TBC1D30: variants seen among roughly 807,000 people sequenced by gnomAD.
TBC1D30 encodes TBC1 domain family, member 30.
Under a neutral mutation model 63.2 loss-of-function variants are expected in TBC1D30, and 31 were observed. That is an observed-to-expected ratio of 0.49 (90% CI 0.37 to 0.66). The LOEUF is 0.66. Ranked by LOEUF, TBC1D30 falls within the 30% of genes least tolerant of loss-of-function variation. TBC1D30 has a pLI of 0.00. For missense variants in TBC1D30, 810 were observed against 953.6 expected (o/e 0.85, Z 1.98); for synonymous variants, 307 against 361.5 (o/e 0.85, Z 1.71).
At chr12:64,809,106 A>G (rs10784421) in intron 2 of TBC1D30, among the ~76,000 whole-genome samples, 83,256 of 152,028 alleles carry the variant, frequency 0.55, 24,078 homozygotes, top group East Asian at 0.9. Context: ...TCTTTTTGTG[A>G]ATTTTATTTA....
At chr12:64,811,248 A>G (rs1379102403) in intron 2 of TBC1D30, among the ~76,000 whole-genome samples, 2 of 152,210 alleles carry the variant, frequency 1.3e-5, no homozygotes, top group South Asian at 2.1e-4. Context: ...TCTTTGGACA[A>G]TTTTGTTCGA....
chr12:64,781,332 G>T, intron 1 of TBC1D30: 1 of 1,057,324 alleles, frequency 9.5e-7, no homozygotes, highest in South Asian at 2.3e-5. Flanking sequence ...CTGGAGCCGG[G>T]TTGTCCTCGC....
chr12:64,855,636 G>A (rs1002543738), intron 8 of TBC1D30, among the ~76,000 whole-genome samples: 23 of 152,040 alleles, frequency 1.5e-4, no homozygotes, highest in Admixed American at 5.9e-4. Flanking sequence ...TCAGCGTGTC[G>A]ATTGCATTTT....
chr12:64,827,975 A>G, intron 2 of TBC1D30, 79 bp downstream of exon 2: 3 of 983,530 alleles, frequency 3.1e-6, no homozygotes, highest in Non-Finnish European at 4.5e-6. Context: ...AGTGGAAATA[A>G]CGTATTCTTT....
intron 2 of TBC1D30, among the ~76,000 whole-genome samples, chr12:64,806,447 A>G (rs1326694463): frequency 1.3e-5 from 2 of 152,322 alleles, no homozygotes; most frequent in African/African-American, 4.8e-5. Flanking sequence ...TTGAAGGCTC[A>G]GAGAGTTGAA....
At position 64,838,824 on chromosome 12, in the gene TBC1D30, C is replaced by T. The variant is rs1459773567; in HGVS notation, c.905C>T (p.Ser302Leu). Residue 302 changes from serine (S) to leucine (L), a missense_variant, in exon 7 of 12, where the codon TCG becomes TTG. Transcript: ENST00000539867. ...GGTTCAGAAATCATCCTAAGGGTGT[C>T]GCTGGCTATCTGGGCAAAATTAGGA... is the stretch of plus-strand genomic sequence containing the variant. ...FEGSEIILRV[S>L]LAIWAKLGEQ... The T allele has an allele frequency of 5.2e-6, 8 of 1,535,920 alleles. No homozygotes were observed. Among genetic ancestry groups the T allele is most frequent in the East Asian group, 4.9e-5 (2 of 40,934 alleles).
upstream of TBC1D30, among the ~76,000 whole-genome samples, chr12:64,822,375 C>G (rs1873936259): frequency 6.6e-6 from 1 of 152,134 alleles, no homozygotes; most frequent in Admixed American, 6.6e-5. Flanking sequence ...GAAACAGGGT[C>G]TTGCTATTTT....
chr12:64,829,494 G>A (rs950939953), intron 3 of TBC1D30, among the ~76,000 whole-genome samples: 9 of 152,140 alleles, frequency 5.9e-5, no homozygotes, highest in African/African-American at 1.2e-4. Flanking sequence ...TAGGTGAGGT[G>A]TGTGTGTGTC....
chr12:64,863,118 A>G (rs76130933), intron 8 of TBC1D30, among the ~76,000 whole-genome samples: 6,496 of 152,282 alleles, frequency 0.043, 452 homozygotes, highest in African/African-American at 0.15. Context: ...TAATAAAATT[A>G]TATGAAATAT....
chr12:64,873,896 G>A (rs1035712370), intron 11 of TBC1D30, among the ~76,000 whole-genome samples: 1 of 152,210 alleles, frequency 6.6e-6, no homozygotes, highest in Non-Finnish European at 1.5e-5. Flanking sequence ...AATTAGTTCA[G>A]CCAGATGACA....
At chr12:64,813,898 GGAGA>G (rs944062556) in intron 2 of TBC1D30, among the ~76,000 whole-genome samples, 3 of 152,086 alleles carry the variant, frequency 2.0e-5, no homozygotes, top group South Asian at 2.1e-4. Flanking sequence ...AGGCAGGGGA[GGAGA>G]GAGAGACAAC....
intron 2 of TBC1D30, chr12:64,818,860 T>C (rs1010847599): frequency 6.6e-6 from 1 of 152,216 alleles, no homozygotes; most frequent in African/African-American, 2.4e-5. Context: ...AGTGAATGAA[T>C]AAAAGAAATA....
At chr12:64,772,897 AT>A (rs1255610813) in intron 1 of TBC1D30, among the ~76,000 whole-genome samples, 1 of 152,200 alleles carries the variant, frequency 6.6e-6, no homozygotes, top group African/African-American at 2.4e-5. Context: ...TCTTTCTACT[AT>A]TGCAAAGGAA....
intron 1 of TBC1D30, among the ~76,000 whole-genome samples, chr12:64,773,239 G>C (rs1870966261): frequency 6.6e-6 from 1 of 152,160 alleles, no homozygotes; most frequent in African/African-American, 2.4e-5. Context: ...TTCTTTAAGT[G>C]AGTCGCTGAT....
intron 7 of TBC1D30, among the ~76,000 whole-genome samples, chr12:64,841,214 C>T (rs118001372): frequency 0.035 from 5,295 of 152,232 alleles, 117 homozygotes; most frequent in Non-Finnish European, 0.052. Flanking sequence ...TAACATGTGC[C>T]TTATATATGG....
At chr12:64,773,941 G>C (rs1284877856) in intron 1 of TBC1D30, among the ~76,000 whole-genome samples, 1 of 152,198 alleles carries the variant, frequency 6.6e-6, no homozygotes, top group Admixed American at 6.5e-5. Context: ...GGCCAAGGCT[G>C]TGATGGCTGA....
chr12:64,778,549 CTTTTTTTTTTT>C (rs34519163), upstream of TBC1D30, among the ~76,000 whole-genome samples: 87 of 78,856 alleles, frequency 1.1e-3, 1 homozygote, highest in East Asian at 0.022. Flanking sequence ...ACAGAGAAGC[CTTTTTTTTTTT>C]TTTTTTTTTT....
At chr12:64,853,876 A>G (rs10047647) in intron 8 of TBC1D30, among the ~76,000 whole-genome samples, 6,496 of 152,238 alleles carry the variant, frequency 0.043, 450 homozygotes, top group African/African-American at 0.15. Context: ...GGAAATGCAG[A>G]AATCACCCAC....
intron 2 of TBC1D30, among the ~76,000 whole-genome samples, chr12:64,801,233 T>A (rs773250531): frequency 6.6e-6 from 1 of 152,230 alleles, no homozygotes; most frequent in Non-Finnish European, 1.5e-5. Flanking sequence ...GTTACACAGC[T>A]TCATTACAGT....
Sources: gnomAD v4.1 joint callset for allele counts (sites outside exome capture counted in the v4.1 genomes callset) on GRCh38, gnomAD v4.1.1 for gene constraint, MANE v1.5 for transcripts, NCBI Gene and HGNC (gene_info 2026-07-23, HGNC 2026-07-21) for gene names.